Variants in B3GALT1 observed in about 807,000 individuals in gnomAD.
The protein encoded by B3GALT1 is beta-1,3-galactosyltransferase 1, also known as UDP-Gal:betaGlcNAc beta 1,3-galactosyltransferase, polypeptide 1.
In B3GALT1, 10 loss-of-function variants were observed where a neutral mutation model predicts 23.2. The ratio of observed to expected loss-of-function variants is 0.43; its 90% CI spans 0.27 to 0.73. The LOEUF (loss-of-function observed/expected upper bound fraction) is 0.73, where lower values mean the gene tolerates loss of function less well. Ranked by LOEUF, B3GALT1 falls within the 30% of genes least tolerant of loss-of-function variation. The pLI, the probability that B3GALT1 is intolerant of heterozygous loss-of-function variation, is 0.21. For synonymous variants in B3GALT1, 156 were observed against 141.5 expected, an observed-to-expected ratio of 1.10 and a Z score of -0.73; for missense variants, 299 against 405.4, an observed-to-expected ratio of 0.74 and a Z score of 2.25.
At chr2:167,789,555 T>C (rs1688399529) in intron 3 of B3GALT1, among the ~76,000 whole-genome samples, 1 of 152,214 alleles carries the variant, frequency 6.6e-6, no homozygotes, top group African/African-American at 2.4e-5. Context: ...ATGGTGATAG[T>C]TATAATAATA....
chr2:167,726,532 A>G (rs1687318380), intron 3 of B3GALT1, among the ~76,000 whole-genome samples: 1 of 152,212 alleles, frequency 6.6e-6, no homozygotes. Context: ...TTGGAATGTG[A>G]CAATCCTCCT....
At chr2:167,697,372 G>C (rs1474433277) in intron 3 of B3GALT1, among the ~76,000 whole-genome samples, 1 of 152,166 alleles carries the variant, frequency 6.6e-6, no homozygotes, top group Non-Finnish European at 1.5e-5. Context: ...CCACACCTGG[G>C]CTGTGATGGT....
chr2:167,295,811 T>C (rs1451323272), intron 1 of B3GALT1, among the ~76,000 whole-genome samples: 1 of 151,540 alleles, frequency 6.6e-6, no homozygotes. Context: ...GTATGGAACT[T>C]TTACTTGGAG....
intron 4 of B3GALT1, among the ~76,000 whole-genome samples, chr2:167,840,417 A>G (rs1343141488): frequency 6.6e-6 from 1 of 152,138 alleles, no homozygotes; most frequent in Non-Finnish European, 1.5e-5. Context: ...CAAAAAACAC[A>G]TGAAAAAATG....
At chr2:167,390,090 A>G (rs1697996952) in intron 1 of B3GALT1, among the ~76,000 whole-genome samples, 1 of 152,138 alleles carries the variant, frequency 6.6e-6, no homozygotes, top group African/African-American at 2.4e-5. Flanking sequence ...AATCTCAGCT[A>G]CACAGGATCT....
At chr2:167,494,271 A>G (rs1291736818) in intron 2 of B3GALT1, among the ~76,000 whole-genome samples, 1 of 152,024 alleles carries the variant, frequency 6.6e-6, no homozygotes, top group Non-Finnish European at 1.5e-5. Context: ...ATACAGTTGC[A>G]TCTATATTCA....
intron 1 of B3GALT1, among the ~76,000 whole-genome samples, chr2:167,317,563 A>G (rs1696739079): frequency 6.6e-6 from 1 of 152,134 alleles, no homozygotes; most frequent in African/African-American, 2.4e-5. Context: ...ACACTTCTAT[A>G]TTCTCCTTGA....
chr2:167,605,793 G>T (rs780616340), intron 2 of B3GALT1, among the ~76,000 whole-genome samples: 2 of 152,110 alleles, frequency 1.3e-5, no homozygotes, highest in Non-Finnish European at 2.9e-5. Flanking sequence ...TCAGAACAAG[G>T]TTAACAGAGC....
chr2:167,829,593 G>A (rs1365784818), intron 4 of B3GALT1, among the ~76,000 whole-genome samples: 1 of 152,174 alleles, frequency 6.6e-6, no homozygotes, highest in Admixed American at 6.5e-5. Flanking sequence ...CCCCACTTAT[G>A]AGTTTCATTT....
At chr2:167,533,554 A>G (rs1558895590) in intron 2 of B3GALT1, among the ~76,000 whole-genome samples, 4 of 152,158 alleles carry the variant, frequency 2.6e-5, no homozygotes, top group Admixed American at 1.3e-4. Context: ...TTCATTTACT[A>G]GTATTTTGCT....
intron 3 of B3GALT1, among the ~76,000 whole-genome samples, chr2:167,756,135 A>C (rs1687813758): frequency 6.6e-6 from 1 of 152,170 alleles, no homozygotes; most frequent in African/African-American, 2.4e-5. Context: ...GTCCACACTT[A>C]CTTAAGAATC....
At chr2:167,369,894 G>A (rs1253653698) in intron 1 of B3GALT1, among the ~76,000 whole-genome samples, 1 of 151,670 alleles carries the variant, frequency 6.6e-6, no homozygotes, top group Non-Finnish European at 1.5e-5. Flanking sequence ...TGGCACTTCT[G>A]CTTATTTATT....
At chr2:167,831,244 T>TC (rs780583508) in intron 4 of B3GALT1, among the ~76,000 whole-genome samples, 1 of 152,198 alleles carries the variant, frequency 6.6e-6, no homozygotes, top group Admixed American at 6.5e-5. Context: ...AATTCAGCGC[T>TC]CCCACAGTTA....
At chr2:167,585,725 A>G (rs1558915620) in intron 2 of B3GALT1, among the ~76,000 whole-genome samples, 2 of 152,254 alleles carry the variant, frequency 1.3e-5, no homozygotes, top group East Asian at 1.9e-4. Context: ...AGGCAGATGT[A>G]AGAACTCATT....
chr2:167,728,108 C>T (rs1432373452), intron 3 of B3GALT1, among the ~76,000 whole-genome samples: 2 of 152,122 alleles, frequency 1.3e-5, no homozygotes, highest in African/African-American at 2.4e-5. Context: ...TGCACCAGGC[C>T]GGGTATGGTG....
intron 1 of B3GALT1, among the ~76,000 whole-genome samples, chr2:167,445,942 C>T (rs1254630045): frequency 6.6e-6 from 1 of 152,140 alleles, no homozygotes; most frequent in Non-Finnish European, 1.5e-5. Flanking sequence ...TTAGTTGATG[C>T]AGTTTCTTCC....
chr2:167,835,423 C>G (rs537664579), intron 4 of B3GALT1, among the ~76,000 whole-genome samples: 1 of 152,318 alleles, frequency 6.6e-6, no homozygotes, highest in East Asian at 1.9e-4. Context: ...CGGAGTCTCG[C>G]TGATTGCTAG....
chr2:167,488,397 C>T (rs374040579), intron 1 of B3GALT1, among the ~76,000 whole-genome samples: 45 of 152,310 alleles, frequency 3.0e-4, no homozygotes, highest in African/African-American at 1.0e-3. Flanking sequence ...GTCTATTTTG[C>T]TAACCATTAT....
intron 4 of B3GALT1, among the ~76,000 whole-genome samples, chr2:167,830,871 G>A (rs370265002): frequency 1.3e-5 from 2 of 152,234 alleles, no homozygotes; most frequent in African/African-American, 4.8e-5. Context: ...GTTGCTAAGA[G>A]AAGTGGCTTG....
Sources: allele counts gnomAD v4.1 joint callset (sites outside exome capture counted in the v4.1 genomes callset), GRCh38; gene constraint gnomAD v4.1.1; transcripts MANE v1.5; gene names NCBI Gene and HGNC (gene_info 2026-07-23, HGNC 2026-07-21).